Variants in ZDHHC11 observed in about 807,000 individuals in gnomAD.
ZDHHC11 encodes the protein zDHHC palmitoyltransferase 11.
In ZDHHC11, 44 loss-of-function variants were observed where a neutral mutation model predicts 51.3. The observed-to-expected ratio is 0.86, with a 90% CI of 0.67 to 1.10. The LOEUF is 1.10. Ranked by LOEUF, ZDHHC11 falls within the 50% of genes least tolerant of loss-of-function variation. The pLI is 0.00. For synonymous variants in ZDHHC11, 163 were observed against 222.0 expected, an observed-to-expected ratio of 0.73 and a Z score of 2.36; for missense variants, 400 against 537.7, an observed-to-expected ratio of 0.74 and a Z score of 2.53.
chr5:851,467 G>A (rs3810859), upstream of ZDHHC11, among the ~76,000 whole-genome samples: 46,007 of 152,046 alleles, frequency 0.3, 7,271 homozygotes, highest in African/African-American at 0.37. Context: ...AGGAAGCTTC[G>A]CCACGTTATG....
intron 11 of ZDHHC11, among the ~76,000 whole-genome samples, chr5:807,402 A>G (rs1449356735): frequency 6.6e-6 from 1 of 151,306 alleles, no homozygotes; most frequent in Non-Finnish European, 1.5e-5. Context: ...AGGACTTGGA[A>G]TAGGGGCCCC....
intron 10 of ZDHHC11, among the ~76,000 whole-genome samples, chr5:818,227 G>A (rs1191892599): frequency 6.6e-6 from 1 of 151,302 alleles, no homozygotes; most frequent in African/African-American, 2.4e-5. Context: ...GGCAGCAGGT[G>A]TGCATGTGGA....
At chr5:833,211 A>G (rs1302555045) in intron 7 of ZDHHC11, among the ~76,000 whole-genome samples, 3 of 152,288 alleles carry the variant, frequency 2.0e-5, no homozygotes, top group Admixed American at 2.0e-4. Context: ...GTGAAGACTG[A>G]AAATGCGCGT....
intron 11 of ZDHHC11, among the ~76,000 whole-genome samples, chr5:802,444 A>C (rs1738559528): frequency 6.6e-6 from 1 of 151,344 alleles, no homozygotes; most frequent in African/African-American, 2.4e-5. Context: ...GAAATGGTGG[A>C]GGATTGTGAG....
intron 10 of ZDHHC11, among the ~76,000 whole-genome samples, chr5:815,072 G>A (rs935383847): frequency 2.0e-5 from 3 of 151,306 alleles, no homozygotes; most frequent in African/African-American, 7.3e-5. Context: ...TCTTGAAAGA[G>A]GTAATGGATG....
At chr5:834,555 C>A (rs1743542584) in intron 6 of ZDHHC11, among the ~76,000 whole-genome samples, 1 of 152,126 alleles carries the variant, frequency 6.6e-6, no homozygotes, top group Non-Finnish European at 1.5e-5. Flanking sequence ...TTTGAAAGCT[C>A]TTTGTGTCTT....
rs1276825129 is a variant in ZDHHC11 at position 805,492 on chromosome 5, T to C, written c.1182-4328A>G. ...TATACATTTAAGACATTAATTATTA[T>C]CCCCAGCATAACCACTAGGAAGATA... On this transcript the variant is annotated intron_variant, in intron 11 of 12. Transcript: ENST00000283441. 1.3e-5 allele frequency among the ~76,000 whole-genome samples: 2 copies of C among 150,768 alleles called. 1 individual carries two copies. Among genetic ancestry groups the C allele is most frequent in the African/African-American group, 4.9e-5 (2 of 40,980 alleles).
At chr5:828,747 T>TA in intron 7 of ZDHHC11, among the ~76,000 whole-genome samples, 1 of 149,864 alleles carries the variant, frequency 6.7e-6, no homozygotes. Flanking sequence ...CATCATATAA[T>TA]AGGCCACAAA....
At chr5:824,938 C>G (rs548265582) in intron 8 of ZDHHC11, among the ~76,000 whole-genome samples, 2 of 151,664 alleles carry the variant, frequency 1.3e-5, no homozygotes, top group South Asian at 4.2e-4. Context: ...GGGGCTCCCA[C>G]TTTGGTACCC....
intron 4 of ZDHHC11, chr5:841,868 G>T (rs1745033703): frequency 2.0e-6 from 2 of 988,852 alleles, no homozygotes; most frequent in African/African-American, 1.7e-5. Flanking sequence ...GACTCAGCAT[G>T]GATGTCTTTC....
chr5:829,525 A>T (rs1178334378), intron 7 of ZDHHC11, among the ~76,000 whole-genome samples: 2 of 151,726 alleles, frequency 1.3e-5, no homozygotes, highest in Admixed American at 6.6e-5. Context: ...GCCAACTAAA[A>T]TATCCAGGAT....
At chr5:808,370 C>T (rs369390578) in intron 11 of ZDHHC11, among the ~76,000 whole-genome samples, 5,111 of 137,282 alleles carry the variant, frequency 0.037, 1 homozygote, top group South Asian at 0.11. Flanking sequence ...CTCTCTAGCT[C>T]CTCTGCTCTG....
intron 11 of ZDHHC11, 40 bp downstream of exon 11, chr5:814,721 A>G (rs1401205838): frequency 6.5e-7 from 1 of 1,532,104 alleles, no homozygotes; most frequent in Non-Finnish European, 8.8e-7. Flanking sequence ...AGGCAAGTGT[A>G]GAGACAGACA....
rs1742696784 is a variant in ZDHHC11 at position 828,871 on chromosome 5, T to C, written c.936-3620A>G. 1.0e-4 allele frequency among the ~76,000 whole-genome samples: 14 copies of C among 136,616 alleles called. No homozygotes were observed. In the Admixed American group the frequency reaches 1.0e-3, roughly 10 times the overall value. 89.6% of individuals were successfully genotyped at this position (136,616 alleles called of 152,430 possible). On this transcript the variant is annotated intron_variant, in intron 7 of 12. Coordinates refer to ENST00000283441, the MANE Select transcript of ZDHHC11 (RefSeq NM_024786.3). Reference sequence around the variant, plus strand: ...GAACCCATGAAATTACACAAATATGTAGAAATTAAATAACTGCTTCTGAAT... The same window carrying C: ...GAACCCATGAAATTACACAAATATGCAGAAATTAAATAACTGCTTCTGAAT...
upstream of ZDHHC11, among the ~76,000 whole-genome samples, chr5:859,169 C>T (rs1748659133): frequency 6.6e-6 from 1 of 152,036 alleles, no homozygotes; most frequent in Non-Finnish European, 1.5e-5. Context: ...CGGTTTAGGT[C>T]AGCAAACTAC....
intron 8 of ZDHHC11, among the ~76,000 whole-genome samples, chr5:824,461 T>TA (rs1742013108): frequency 6.6e-6 from 1 of 151,132 alleles, no homozygotes; most frequent in Non-Finnish European, 1.5e-5. Context: ...ATCTCATCTC[T>TA]AAAAAATAAA....
At position 821,880 on chromosome 5, in the gene ZDHHC11, G is replaced by A. The variant is rs761777726; in HGVS notation, c.1039C>T (p.Pro347Ser). The A allele has an allele frequency of 1.2e-6, 2 of 1,605,954 alleles. No individual in the cohort carries two copies. Among genetic ancestry groups the A allele is most frequent in the South Asian group, 1.1e-5 (1 of 90,260 alleles). Reference sequence around the variant, plus strand: ...ACTCACCCAAGTGCAGATGGACACGGGTCTTCATCCCCTTCCTGTGGGGAA... The same window carrying A: ...ACTCACCCAAGTGCAGATGGACACGAGTCTTCATCCCCTTCCTGTGGGGAA... ...DSTAREGDED[P>S]CPSALGAKAR... The change falls in exon 9 of 13, where the codon CCG (proline) becomes TCG (serine). Residue 347 changes from proline (P) to serine (S), a missense_variant. By Grantham distance (74) the Pro-to-Ser change is moderately conservative. This residue lies in a region of ZDHHC11 where 231 missense variants were observed against 227.4 expected (regional missense o/e 1.02). Transcript: ENST00000283441.
In ZDHHC11 at chr5:837,578, C is replaced by G. The variant is rs1464142532; in HGVS notation, c.785-98G>C. The G allele has an allele frequency of 1.1e-5, 15 of 1,323,384 alleles. 1 individual carries two copies. Among genetic ancestry groups the G allele is most frequent in the Non-Finnish European group, 1.3e-5 (12 of 928,682 alleles). The allele number at this position is 1,323,384 out of a possible 1,614,324, so 82.0% of individuals were successfully genotyped here. A position where few individuals can be genotyped will look rare whatever the true frequency, so the allele number is the denominator to read the frequency against. On this transcript the variant is annotated intron_variant, in intron 5 of 12. Coordinates refer to ENST00000283441, the MANE Select transcript of ZDHHC11 (RefSeq NM_024786.3). ...AGCAGAGTGGCCAGTGCCACTGATCCGGCCCCTGCACAGGGAGAACTGCTC... is the reference window on the plus strand; with the variant it reads ...AGCAGAGTGGCCAGTGCCACTGATCGGGCCCCTGCACAGGGAGAACTGCTC...
chr5:822,306 G>A (rs1226417439), intron 8 of ZDHHC11, among the ~76,000 whole-genome samples: 1 of 151,150 alleles, frequency 6.6e-6, no homozygotes, highest in African/African-American at 2.4e-5. Context: ...AGAACAGGTG[G>A]CCATCTACAA....
Sources: allele counts gnomAD v4.1 joint callset (sites outside exome capture counted in the v4.1 genomes callset), GRCh38; gene constraint gnomAD v4.1.1; regional missense constraint gnomAD v4.1.1; transcripts MANE v1.5; gene names NCBI Gene and HGNC (gene_info 2026-07-23, HGNC 2026-07-21).